Variants in CA10 observed in about 807,000 individuals in gnomAD.
The protein encoded by CA10 is carbonic anhydrase 10 (inactive).
CA10 carries 14 observed loss-of-function variants against 44.2 expected under a neutral mutation model. The ratio of observed to expected loss-of-function variants is 0.32; its 90% CI spans 0.21 to 0.50. CA10 has a LOEUF of 0.50. Among genes scored for constraint, CA10 ranks in the 20% least tolerant of loss-of-function variants. The pLI is 0.99. For synonymous variants in CA10, 159 were observed against 141.6 expected, an observed-to-expected ratio of 1.12 and a Z score of -0.87; for missense variants, 350 against 409.7, an observed-to-expected ratio of 0.85 and a Z score of 1.26.
At chr17:52,013,152 C>T (rs1288233764) in intron 2 of CA10, among the ~76,000 whole-genome samples, 3 of 151,870 alleles carry the variant, frequency 2.0e-5, no homozygotes, top group African/African-American at 7.2e-5. Context: ...AAGGAACTTC[C>T]ACAGAAAAAG....
At chr17:51,961,188 AACACACACACACACACACACACAC>A (rs71149387) in intron 2 of CA10, among the ~76,000 whole-genome samples, 1 of 145,004 alleles carries the variant, frequency 6.9e-6, no homozygotes. Flanking sequence ...TGTACACACA[AACACACACACACACACACACACAC>A]ACACACACAC....
intron 2 of CA10, among the ~76,000 whole-genome samples, chr17:52,007,134 C>G (rs1455704353): frequency 6.6e-6 from 1 of 151,466 alleles, no homozygotes; most frequent in Non-Finnish European, 1.5e-5. Context: ...TTTTAAACAC[C>G]CTTCTAACAG....
At chr17:51,645,337 G>C (rs1913282200) in intron 6 of CA10, among the ~76,000 whole-genome samples, 1 of 152,118 alleles carries the variant, frequency 6.6e-6, no homozygotes. Context: ...ACCTTCAAGG[G>C]GCAGATTTTC....
At position 51,738,050 on chromosome 17, in the gene CA10, G is replaced by A. The variant is rs56283339; in HGVS notation, c.465+9583C>T. Among the ~76,000 whole-genome samples the A allele has an allele frequency of 6.7e-3, 1,017 of 152,100 alleles. 12 individuals are homozygous for A. The highest frequency in any genetic ancestry group is 0.023 in the African/African-American group (959 of 41,482). On this transcript the variant is annotated intron_variant, in intron 4 of 8. Coordinates refer to ENST00000451037, the MANE Select transcript of CA10 (RefSeq NM_020178.5). ...GCAACTAAGTGGCATAATTCATTTG[G>A]GGCAACCATAAATCTAAGGCTTCCA...
intron 3 of CA10, among the ~76,000 whole-genome samples, chr17:51,750,040 G>C (rs945172451): frequency 6.6e-6 from 1 of 152,202 alleles, no homozygotes; most frequent in African/African-American, 2.4e-5. Flanking sequence ...GTTAGTGTGA[G>C]ATAATCAGAA....
At chr17:51,701,732 A>G (rs1346411803) in intron 4 of CA10, among the ~76,000 whole-genome samples, 1 of 152,226 alleles carries the variant, frequency 6.6e-6, no homozygotes, top group African/African-American at 2.4e-5. Flanking sequence ...TTTGTAATGT[A>G]TTGCCAGAAA....
At chr17:52,105,793 A>G (rs1319865708) in intron 1 of CA10, among the ~76,000 whole-genome samples, 2 of 152,202 alleles carry the variant, frequency 1.3e-5, no homozygotes, top group African/African-American at 4.8e-5. Flanking sequence ...TGTGTATATG[A>G]GACATAGTGA....
chr17:51,711,347 TATTTTAAGAGATCA>T, intron 4 of CA10, among the ~76,000 whole-genome samples: 1 of 152,214 alleles, frequency 6.6e-6, no homozygotes, highest in African/African-American at 2.4e-5. Flanking sequence ...TAGTCCTGAA[TATTTTAAGAGATCA>T]CTGTTTCCTT....
At chr17:51,830,448 G>A (rs971113619) in intron 3 of CA10, among the ~76,000 whole-genome samples, 1 of 151,850 alleles carries the variant, frequency 6.6e-6, no homozygotes, top group African/African-American at 2.4e-5. Context: ...CAATTTCTGA[G>A]ATCCATTCCA....
intron 3 of CA10, among the ~76,000 whole-genome samples, chr17:51,817,282 AC>A (rs1714873719): frequency 1.3e-5 from 2 of 152,232 alleles, no homozygotes; most frequent in African/African-American, 4.8e-5. Flanking sequence ...GAATGCAGCC[AC>A]ACCCATTGGT....
intron 1 of CA10, among the ~76,000 whole-genome samples, chr17:52,101,552 G>A (rs1241404938): frequency 1.3e-5 from 2 of 152,226 alleles, no homozygotes; most frequent in East Asian, 3.9e-4. Flanking sequence ...ATTTATTCAA[G>A]GGCAGCTGTT....
At chr17:52,147,722 G>C (rs1989619013) in intron 1 of CA10, among the ~76,000 whole-genome samples, 1 of 152,054 alleles carries the variant, frequency 6.6e-6, no homozygotes, top group Non-Finnish European at 1.5e-5. Flanking sequence ...TATCATTATG[G>C]TGCATTACAA....
chr17:51,698,296 G>C (rs542186918), intron 4 of CA10, among the ~76,000 whole-genome samples: 8 of 152,276 alleles, frequency 5.3e-5, no homozygotes, highest in African/African-American at 1.9e-4. Context: ...AGCAGCGTGT[G>C]CTCCAAGCCT....
chr17:51,779,886 G>A (rs140137797), intron 3 of CA10, among the ~76,000 whole-genome samples: 98 of 152,254 alleles, frequency 6.4e-4, no homozygotes, highest in African/African-American at 2.0e-3. Context: ...TGCTGCCTGC[G>A]GTTGGATGAT....
intron 3 of CA10, among the ~76,000 whole-genome samples, chr17:51,908,983 C>T (rs1221279143): frequency 6.6e-6 from 1 of 152,114 alleles, no homozygotes; most frequent in East Asian, 1.9e-4. Flanking sequence ...GCTTTCATAA[C>T]TGATTTTTTG....
intron 2 of CA10, among the ~76,000 whole-genome samples, chr17:51,976,513 A>C (rs147071406): frequency 7.0e-4 from 106 of 152,258 alleles, no homozygotes; most frequent in African/African-American, 2.5e-3. Context: ...TGTGTCAGAC[A>C]AGGAAGCCCA....
At chr17:51,725,163 C>T (rs544442968) in intron 4 of CA10, among the ~76,000 whole-genome samples, 9 of 152,346 alleles carry the variant, frequency 5.9e-5, no homozygotes, top group East Asian at 3.9e-4. Flanking sequence ...TCAGTGGCTT[C>T]TGCACAGGAC....
At chr17:52,073,829 T>G (rs1185117393) in intron 1 of CA10, among the ~76,000 whole-genome samples, 3 of 152,108 alleles carry the variant, frequency 2.0e-5, no homozygotes, top group African/African-American at 7.2e-5. Context: ...CCAGAAAGGT[T>G]CTGTCCAACC....
chr17:51,899,258 G>A (rs571842588), intron 3 of CA10, among the ~76,000 whole-genome samples: 21 of 151,722 alleles, frequency 1.4e-4, no homozygotes, highest in African/African-American at 4.4e-4. Context: ...CTTTGTTCTC[G>A]TTAGTTCAAA....
Sources: gnomAD v4.1 joint callset for allele counts (sites outside exome capture counted in the v4.1 genomes callset) on GRCh38, gnomAD v4.1.1 for gene constraint, MANE v1.5 for transcripts, NCBI Gene and HGNC (gene_info 2026-07-23, HGNC 2026-07-21) for gene names.